Variants in XKR5 observed in about 807,000 individuals in gnomAD.
The protein encoded by XKR5 is XK related 5.
Under a neutral mutation model 40.8 loss-of-function variants are expected in XKR5, and 46 were observed. The ratio of observed to expected loss-of-function variants is 1.13; its 90% CI spans 0.89 to 1.44. The LOEUF (loss-of-function observed/expected upper bound fraction) is 1.44. XKR5 is among the 40% of genes most tolerant of loss of function. The pLI, the probability that XKR5 is intolerant of heterozygous loss-of-function variation, is 0.00. For synonymous variants in XKR5, 466 were observed against 356.1 expected (o/e 1.31, Z -3.48); for missense variants, 1,169 against 844.7 (o/e 1.38, Z -4.76).
rs1412839747 is a variant in XKR5, at chr8:6,835,499, G to A, written c.-6C>T. 3 of 1,497,440 alleles carry A rather than the reference G, an allele frequency of 2.0e-6. No homozygotes were observed. The highest frequency in any genetic ancestry group is 2.7e-6 in the Non-Finnish European group (3 of 1,129,804). The allele number at this position is 1,497,440 out of a possible 1,614,324, so 92.8% of individuals were successfully genotyped here. On this transcript the variant is annotated 5_prime_UTR_variant, in exon 1 of 7. The change creates a new upstream start codon in the 5' untranslated region. Transcript: ENST00000618742. ...CCCAGGAGCCTCGCGTGCATCTTCCGTGCCGACCCCGCAGCCTGCGCCCGC... is the reference window on the plus strand; with the variant it reads ...CCCAGGAGCCTCGCGTGCATCTTCCATGCCGACCCCGCAGCCTGCGCCCGC...
rs535205089 is a variant in XKR5, at chr8:6,810,353, T to G, written c.*845A>C. ...TTCCTCCCTTCTTTTTGGATGGGCT[T>G]AAATCATGGATAGTGTCTCACATTG... On this transcript the variant is annotated 3_prime_UTR_variant, in exon 7 of 7. Transcript: ENST00000618742. 5.9e-5 allele frequency: 9 copies of G among 152,364 alleles called. No homozygotes were observed. Among genetic ancestry groups the G allele is most frequent in the African/African-American group, 1.9e-4 (8 of 41,554 alleles). 9.4% of individuals were successfully genotyped at this position (152,364 alleles called of 1,614,324 possible). A position where few individuals can be genotyped will look rare whatever the true frequency, so the allele number is the denominator to read the frequency against.
intron 5 of XKR5, among the ~76,000 whole-genome samples, chr8:6,817,626 A>G (rs1804024338): frequency 6.6e-6 from 1 of 152,118 alleles, no homozygotes; most frequent in Non-Finnish European, 1.5e-5. Context: ...CTGCCAGGAG[A>G]AGGTACTGTT....
At chr8:6,812,812 CA>C in intron 6 of XKR5, among the ~76,000 whole-genome samples, 1 of 152,304 alleles carries the variant, frequency 6.6e-6, no homozygotes, top group South Asian at 2.1e-4. Flanking sequence ...ACCTCAAAAA[CA>C]AGTAAGACCT....
chr8:6,821,763 T>C (rs975747377), intron 5 of XKR5, 106 bp downstream of exon 5: 4 of 917,620 alleles, frequency 4.4e-6, no homozygotes, highest in Admixed American at 3.6e-5. Flanking sequence ...TTTCAATAGA[T>C]AGGTGTGCAT....
intron 2 of XKR5, among the ~76,000 whole-genome samples, chr8:6,831,473 G>C (rs1051341926): frequency 1.3e-5 from 2 of 152,168 alleles, no homozygotes; most frequent in African/African-American, 4.8e-5. Flanking sequence ...CTACCTCCTA[G>C]CTGAGATTCT....
intron 5 of XKR5, among the ~76,000 whole-genome samples, chr8:6,820,691 C>T (rs942908970): frequency 5.9e-5 from 9 of 152,196 alleles, no homozygotes; most frequent in Admixed American, 1.3e-4. Flanking sequence ...CTGTTATGCT[C>T]GGTGTTCAGA....
In XKR5 at chr8:6,811,913, A is replaced by G. The variant is rs750423261; in HGVS notation, c.1346T>C (p.Leu449Ser). ...SQQDYLQRKA[L>S]SAQQELPSSS... Reference sequence around the variant, plus strand: ...GGATGGGAGCTCTTGCTGGGCAGACAAGGCCTTTCTCTGCAGGTAGTCCTG... The same window carrying G: ...GGATGGGAGCTCTTGCTGGGCAGACGAGGCCTTTCTCTGCAGGTAGTCCTG... The change falls in exon 7 of 7, where the codon TTG becomes TCG. Residue 449 changes from leucine to serine, a missense_variant. Coordinates refer to ENST00000618742, the MANE Select transcript of XKR5 (RefSeq NM_207411.5). The G allele has an allele frequency of 2.0e-6, 3 of 1,537,396 alleles. No homozygotes were observed. In the South Asian group the frequency reaches 3.6e-5, roughly 18 times the overall value.
chr8:6,814,007 T>C (rs1803850616), intron 6 of XKR5, among the ~76,000 whole-genome samples: 1 of 152,192 alleles, frequency 6.6e-6, no homozygotes, highest in Admixed American at 6.5e-5. Flanking sequence ...GATGAGTTGT[T>C]AGACCTCCCG....
intron 5 of XKR5, among the ~76,000 whole-genome samples, chr8:6,819,195 A>C (rs1044411696): frequency 6.6e-6 from 1 of 152,240 alleles, no homozygotes; most frequent in African/African-American, 2.4e-5. Flanking sequence ...GCTTCCAGAC[A>C]GGAATTGCAG....
rs1005930506 is a variant in XKR5 at position 6,825,160 on chromosome 8, C to T, written c.427+5G>A. The T allele has an allele frequency of 6.2e-7, 1 of 1,613,340 alleles. No homozygotes were observed. The highest frequency in any genetic ancestry group is 1.3e-5 in the African/African-American group (1 of 74,920). On this transcript the variant is annotated splice_donor_5th_base_variant and intron_variant, in intron 3 of 6. Coordinates refer to ENST00000618742, the MANE Select transcript of XKR5 (RefSeq NM_207411.5). ...AGTCTGTGCTCTGTGGTGACAGTTACTCACCTGGCACAATATCTGTGAAGT... is the reference window on the plus strand; with the variant it reads ...AGTCTGTGCTCTGTGGTGACAGTTATTCACCTGGCACAATATCTGTGAAGT...
In XKR5 at chr8:6,823,673, C is replaced by G; in HGVS notation, c.485G>C (p.Arg162Pro). The stretch of plus-strand genomic sequence containing the variant: ...GCCTGGCTTCATGAAGCCCATGAAG[C>G]GAGTGTAGGACACCAGTGCCCAGGA... ...SLSWALVSYT[R>P]FMGFMKPGHL... is the part of the protein sequence containing the mutation. The change falls in exon 4 of 7, where the codon CGC becomes CCC. Residue 162 changes from arginine (R) to proline (P), a missense_variant. Coordinates refer to ENST00000618742, the MANE Select transcript of XKR5 (RefSeq NM_207411.5). 1 of 1,591,638 alleles carries G rather than the reference C, an allele frequency of 6.3e-7. No homozygotes were observed. Among genetic ancestry groups the G allele is most frequent in the Non-Finnish European group, 8.6e-7 (1 of 1,169,072 alleles).
In XKR5 at chr8:6,810,364, T is replaced by A. The variant is rs1479776034; in HGVS notation, c.*834A>T. ...TTTTTGGATGGGCTTAAATCATGGA[T>A]AGTGTCTCACATTGAATGGAAGTGG... is the stretch of plus-strand genomic sequence containing the variant. On this transcript the variant is annotated 3_prime_UTR_variant, in exon 7 of 7. Transcript: ENST00000618742. 6.6e-6 allele frequency: 1 copy of A among 152,238 alleles called. No homozygotes were observed. Among genetic ancestry groups the A allele is most frequent in the African/African-American group, 2.4e-5 (1 of 41,432 alleles). 9.4% of individuals were successfully genotyped at this position (152,238 alleles called of 1,614,324 possible).
At chr8:6,819,666 C>G (rs1254054445) in intron 5 of XKR5, among the ~76,000 whole-genome samples, 1 of 152,224 alleles carries the variant, frequency 6.6e-6, no homozygotes, top group African/African-American at 2.4e-5. Context: ...TCATCTCCGC[C>G]TTTTCTTCAG....
intron 4 of XKR5, among the ~76,000 whole-genome samples, chr8:6,822,529 T>C (rs1401680661): frequency 6.6e-6 from 1 of 152,266 alleles, no homozygotes; most frequent in East Asian, 1.9e-4. Flanking sequence ...ACAAAATAGC[T>C]AATCTCTCTT....
At chr8:6,821,355 G>A (rs1804216384) in intron 5 of XKR5, among the ~76,000 whole-genome samples, 2 of 152,174 alleles carry the variant, frequency 1.3e-5, no homozygotes, top group Admixed American at 1.3e-4. Context: ...GCTACGTTCT[G>A]TCTGATTTTG....
At chr8:6,818,708 G>T (rs1177297129) in intron 5 of XKR5, among the ~76,000 whole-genome samples, 4 of 152,154 alleles carry the variant, frequency 2.6e-5, no homozygotes, top group Non-Finnish European at 4.4e-5. Flanking sequence ...ATCTCTGAGG[G>T]GGAGCCTGGG....
chr8:6,818,219 A>G (rs1380397410), intron 5 of XKR5, among the ~76,000 whole-genome samples: 1 of 152,012 alleles, frequency 6.6e-6, no homozygotes, highest in African/African-American at 2.4e-5. Context: ...TCTTTCCATT[A>G]CTTCCGCAGC....
chr8:6,815,717 G>A (rs1422610684), intron 6 of XKR5, 90 bp downstream of exon 6: 15 of 880,578 alleles, frequency 1.7e-5, no homozygotes, highest in Non-Finnish European at 2.7e-5. Context: ...AACCACATCT[G>A]AACTCAGTTT....
In XKR5 at chr8:6,810,299, GAGA is replaced by G. The variant is rs1362357317; in HGVS notation, c.*896_*898del. The G allele has an allele frequency of 6.6e-6, 1 of 152,292 alleles. No individual in the cohort carries two copies. Among genetic ancestry groups the G allele is most frequent in the Non-Finnish European group, 1.5e-5 (1 of 68,052 alleles). The allele number at this position is 152,292 out of a possible 1,614,324, so 9.4% of individuals were successfully genotyped here. ...AACACTTTAGAGTGGAGGAGTCAGA[GAGA>G]AGGAGAGTGCGAGAGGAATGGACGT... On this transcript the variant is annotated 3_prime_UTR_variant, in exon 7 of 7. Coordinates refer to ENST00000618742, the MANE Select transcript of XKR5 (RefSeq NM_207411.5).
Sources: allele counts gnomAD v4.1 joint callset (sites outside exome capture counted in the v4.1 genomes callset), GRCh38; gene constraint gnomAD v4.1.1; transcripts MANE v1.5; gene names NCBI Gene and HGNC (gene_info 2026-07-23, HGNC 2026-07-21).